PSD2: variants seen among roughly 807,000 people sequenced by gnomAD.
The protein encoded by PSD2 is pleckstrin and Sec7 domain containing 2, also known as PH and SEC7 domain-containing protein 2.
PSD2 carries 38 observed loss-of-function variants against 69.8 expected under a neutral mutation model. The observed-to-expected ratio is 0.54, with a 90% CI of 0.42 to 0.71. The LOEUF (loss-of-function observed/expected upper bound fraction) is 0.71. Ranked by LOEUF, PSD2 falls within the 30% of genes least tolerant of loss-of-function variation. The pLI is 0.00. For missense variants in PSD2, 943 were observed against 1,014.5 expected (o/e 0.93, Z 0.96); for synonymous variants, 412 against 423.0 (o/e 0.97, Z 0.32).
At chr5:139,747,876 GGGCTGGCAGGCAGCCCTCTCCC>G in the PSD2 span, among the ~76,000 whole-genome samples, 1 of 152,212 alleles carries the variant, frequency 6.6e-6, no homozygotes, top group Non-Finnish European at 1.5e-5. The surrounding 1 kb of genome is among the most constrained non-coding windows in gnomAD (Gnocchi z 6.7). Flanking sequence ...GCGGTGCGCG[GGGCTGGCAGGCAGCCCTCTCCC>G]GCGAGCGAGC....
rs1759898082 is a variant in PSD2 at position 139,809,528 on chromosome 5, G to T, written c.88G>T (p.Val30Phe). The change falls in exon 2 of 15, where the codon GTC becomes TTC. Residue 30 changes from valine to phenylalanine, a missense_variant. Around this residue, in one of 3 missense-constraint regions of PSD2, gnomAD observed 466 missense variants for 445.0 expected, o/e 1.05. Transcript: ENST00000274710. The part of the protein sequence containing the change: ...PGPEPEEEPG[V>F]RNGMASEGLN... The stretch of plus-strand genomic sequence containing the variant: ...TCCAGAGCCTGAAGAGGAGCCAGGG[G>T]TCCGGAATGGGATGGCCAGTGAGGG... 6 of 1,613,170 alleles carry T rather than the reference G, an allele frequency of 3.7e-6. No individual in the cohort carries two copies. In the Admixed American group the frequency reaches 6.7e-5, roughly 18 times the overall value.
At chr5:139,812,146 G>T (rs773786176) in intron 2 of PSD2, among the ~76,000 whole-genome samples, 1 of 152,142 alleles carries the variant, frequency 6.6e-6, no homozygotes, top group Non-Finnish European at 1.5e-5. Flanking sequence ...TGGAGCTTAC[G>T]GTCTAGTGGG....
the PSD2 span, among the ~76,000 whole-genome samples, chr5:139,789,017 G>A: frequency 6.6e-6 from 1 of 152,184 alleles, no homozygotes; most frequent in Non-Finnish European, 1.5e-5. Context: ...CGTTGTCCTC[G>A]TTTGCAGACC....
chr5:139,779,647 T>C, the PSD2 span, among the ~76,000 whole-genome samples: 2 of 152,352 alleles, frequency 1.3e-5, no homozygotes, highest in East Asian at 3.8e-4. Context: ...AGCCCAACTC[T>C]ATCAAGATAT....
At chr5:139,825,745 C>T (rs1760399872) in intron 7 of PSD2, among the ~76,000 whole-genome samples, 1 of 152,084 alleles carries the variant, frequency 6.6e-6, no homozygotes, top group Non-Finnish European at 1.5e-5. Flanking sequence ...TTTCTGATGC[C>T]TCTAGACATC....
chr5:139,830,823 CTTTTTT>C (rs60786662), intron 7 of PSD2, among the ~76,000 whole-genome samples: 1 of 82,948 alleles, frequency 1.2e-5, no homozygotes, highest in Non-Finnish European at 2.3e-5. Flanking sequence ...CCTGGACTTG[CTTTTTT>C]TTTTTTTTTT....
chr5:139,808,993 C>G (rs1368882528), intron 1 of PSD2, among the ~76,000 whole-genome samples: 2 of 152,202 alleles, frequency 1.3e-5, no homozygotes, highest in East Asian at 1.9e-4. Context: ...GCTAGGGGAC[C>G]GGCTGCTGAC....
chr5:139,814,401 A>G lies in PSD2; in HGVS notation c.1016+37A>G. The G allele has an allele frequency of 1.0e-5, 16 of 1,535,442 alleles. No individual in the cohort carries two copies. The highest frequency in any genetic ancestry group is 1.4e-5 in the Non-Finnish European group (16 of 1,141,340). On this transcript the variant is annotated intron_variant, in intron 4 of 14. Coordinates refer to ENST00000274710, the MANE Select transcript of PSD2 (RefSeq NM_032289.4). This position sits in a 1 kb window ranked among gnomAD's most constrained non-coding sequence, Gnocchi z 4.4. ...CTCCCCTGCCCCCAACCCTGGGCAA[A>G]CCTCGTGTCTTCCTCAACCTGAAGA...
chr5:139,749,276 T>G, the PSD2 span, among the ~76,000 whole-genome samples: 1 of 152,238 alleles, frequency 6.6e-6, no homozygotes, highest in Non-Finnish European at 1.5e-5. Flanking sequence ...AACTTCTTCC[T>G]GACTGCCCAG....
the PSD2 span, among the ~76,000 whole-genome samples, chr5:139,768,861 ACTGT>A: frequency 2.0e-5 from 3 of 152,172 alleles, no homozygotes; most frequent in African/African-American, 7.2e-5. Context: ...CCCTGGACTA[ACTGT>A]CTGATCTGTA....
At chr5:139,815,261 C>T (rs538861406) in intron 4 of PSD2, among the ~76,000 whole-genome samples, 55 of 152,238 alleles carry the variant, frequency 3.6e-4, no homozygotes, top group African/African-American at 1.2e-3. Flanking sequence ...ACTGCGCCAG[C>T]CCAGAAATCA....
At chr5:139,790,293 G>C in the PSD2 span, among the ~76,000 whole-genome samples, 1 of 152,106 alleles carries the variant, frequency 6.6e-6, no homozygotes, top group Admixed American at 6.5e-5. Context: ...GGTTAAGATG[G>C]AACTGCTCTT....
At chr5:139,809,326 GACTT>G (rs1270563192) in intron 1 of PSD2, 61 bp from the exon 2 acceptor site, 2 of 1,301,092 alleles carry the variant, frequency 1.5e-6, no homozygotes, top group Non-Finnish European at 2.1e-6. Flanking sequence ...GGTTCTGCTG[GACTT>G]TAGGTGCCCC....
rs750085498 is a variant in PSD2 at position 139,840,141 on chromosome 5, C to T, written c.2083C>T (p.Arg695Trp). The stretch of plus-strand genomic sequence containing the variant: ...CAAGTCCAAGGAGGCCGAGGAGTAC[C>T]GGTTGAAGGAGCACTATCTCACCTT... Reference protein sequence around the residue: ...GIKSKEAEEYRLKEHYLTFEK... With the variant: ...GIKSKEAEEYWLKEHYLTFEK... The change falls in exon 14 of 15, where the codon CGG becomes TGG. Residue 695 changes from arginine to tryptophan, a missense_variant. By Grantham distance (101) the Arg-to-Trp change is moderately radical (BLOSUM62 -3). This residue lies in a region of PSD2 where 165 missense variants were observed against 168.8 expected (regional missense o/e 0.98). Transcript: ENST00000274710. The T allele has an allele frequency of 2.9e-5, 47 of 1,614,024 alleles. No individual in the cohort carries two copies. The East Asian group carries it at 5.8e-4, about 20-fold the overall frequency.
chr5:139,775,667 C>T, the PSD2 span, among the ~76,000 whole-genome samples: 1 of 152,074 alleles, frequency 6.6e-6, no homozygotes, highest in South Asian at 2.1e-4. Context: ...TCTTCTCCTT[C>T]TCCTTTCTTC....
At position 139,843,561 on chromosome 5, in the gene PSD2, G is replaced by A. The variant is rs998837264; in HGVS notation, c.*1087G>A. ...AAGACACTCTGTCTCGCAAATGGCT[G>A]CTTGTCAACAAGCCCAAAGATGCTT... On this transcript the variant is annotated 3_prime_UTR_variant, in exon 15 of 15. Transcript: ENST00000274710. 33 of 152,248 alleles carry A rather than the reference G, an allele frequency of 2.2e-4. No individual in the cohort carries two copies. The highest frequency in any genetic ancestry group is 7.7e-4 in the African/African-American group (32 of 41,462). The allele number at this position is 152,248 out of a possible 1,614,324, so 9.4% of individuals were successfully genotyped here. A position where few individuals can be genotyped will look rare whatever the true frequency, so the allele number is the denominator to read the frequency against.
Position 139,839,449 on chromosome 5 carries a change from TACAC to T in PSD2, c.1969-574_1969-571del, listed in dbSNP as rs996891269. On this transcript the variant is annotated intron_variant, in intron 13 of 14. Coordinates refer to ENST00000274710, the MANE Select transcript of PSD2 (RefSeq NM_032289.4). The surrounding 1 kb of genome is among the most constrained non-coding windows in gnomAD (Gnocchi z 5.1). ...GTGTAAACACACAGGTGGTGACTCA[TACAC>T]ACATGCATGCATGTGCACACAGCAC... Among the ~76,000 whole-genome samples the T allele has an allele frequency of 6.6e-6, 1 of 152,250 alleles. No homozygotes were observed. Among genetic ancestry groups the T allele is most frequent in the Non-Finnish European group, 1.5e-5 (1 of 68,046 alleles).
chr5:139,817,919 C>T (rs1386257919), intron 5 of PSD2, among the ~76,000 whole-genome samples: 4 of 152,180 alleles, frequency 2.6e-5, no homozygotes, highest in East Asian at 1.9e-4. Context: ...TCCTATTTTT[C>T]ACATGAAGAA....
At chr5:139,786,751 A>C in the PSD2 span, among the ~76,000 whole-genome samples, 46 of 152,204 alleles carry the variant, frequency 3.0e-4, no homozygotes, top group African/African-American at 9.9e-4. Context: ...CACTGTTGGA[A>C]TGGGGACGGC....
Sources: gnomAD v4.1 joint callset for allele counts (sites outside exome capture counted in the v4.1 genomes callset) on GRCh38, gnomAD v4.1.1 for gene constraint, gnomAD v4.1.1 regional missense constraint, Gnocchi (gnomAD v3.1) non-coding constraint, MANE v1.5 for transcripts, NCBI Gene and HGNC (gene_info 2026-07-23, HGNC 2026-07-21) for gene names.